IL20RB: variants seen among roughly 807,000 people sequenced by gnomAD.
IL20RB encodes the protein interleukin-20 receptor subunit beta.
In IL20RB, 21 loss-of-function variants were observed where a neutral mutation model predicts 33.3. The ratio of observed to expected loss-of-function variants is 0.63; its 90% CI spans 0.45 to 0.91. The LOEUF is 0.91. Among genes scored for constraint, IL20RB ranks in the 40% least tolerant of loss-of-function variants. The probability of loss-of-function intolerance (pLI) is 0.00; values close to 1 mark genes in which losing one functional copy is unlikely to be tolerated. For missense variants in IL20RB, 345 were observed against 384.8 expected (o/e 0.90, Z 0.86); for synonymous variants, 147 against 146.8 (o/e 1.00, Z -0.01).
At position 136,982,424 on chromosome 3, in the gene IL20RB, T is replaced by C. The variant is rs1023881042; in HGVS notation, c.406+74T>C. The C allele has an allele frequency of 7.2e-6, 8 of 1,115,106 alleles. No homozygotes were observed. In the African/African-American group the frequency reaches 1.2e-4, roughly 17 times the overall value. The allele number at this position is 1,115,106 out of a possible 1,614,324, so 69.1% of individuals were successfully genotyped here. A position where few individuals can be genotyped will look rare whatever the true frequency, so the allele number is the denominator to read the frequency against. On this transcript the variant is annotated intron_variant, in intron 3 of 6. Coordinates refer to ENST00000329582, the MANE Select transcript of IL20RB (RefSeq NM_144717.4). ...AGGAACCATGTTCACCTAAACTTTC[T>C]AGACTCTTTTTAGCATCAGAATAGT...
At chr3:137,005,017 G>A (rs1330028920) in intron 6 of IL20RB, among the ~76,000 whole-genome samples, 5 of 152,026 alleles carry the variant, frequency 3.3e-5, no homozygotes, top group South Asian at 2.1e-4. Flanking sequence ...CCTTCATTTC[G>A]TTATTTACCC....
intron 1 of IL20RB, among the ~76,000 whole-genome samples, chr3:136,970,084 T>C (rs979893807): frequency 6.6e-6 from 1 of 151,906 alleles, no homozygotes; most frequent in Non-Finnish European, 1.5e-5. Flanking sequence ...GCGTTTTTTT[T>C]GTTTTTTGTT....
intron 6 of IL20RB, 95 bp downstream of exon 6, chr3:136,995,651 C>A: frequency 8.1e-7 from 1 of 1,238,326 alleles, no homozygotes; most frequent in Non-Finnish European, 1.2e-6. Flanking sequence ...ATGTTTCTAT[C>A]ATGAGATTAT....
intron 6 of IL20RB, among the ~76,000 whole-genome samples, chr3:137,004,007 C>G (rs578254425): frequency 6.6e-6 from 1 of 152,248 alleles, no homozygotes; most frequent in Admixed American, 6.5e-5. Flanking sequence ...TTTTCTGCAT[C>G]TATTGAGATA....
At chr3:136,972,406 G>A (rs188228235) in intron 1 of IL20RB, among the ~76,000 whole-genome samples, 1,570 of 152,176 alleles carry the variant, frequency 0.01, 12 homozygotes, top group Non-Finnish European at 0.015. Flanking sequence ...TGTATGTTTG[G>A]TAGAATTCAG....
chr3:136,984,748 A>G (rs1941860127), intron 3 of IL20RB, among the ~76,000 whole-genome samples: 1 of 152,030 alleles, frequency 6.6e-6, no homozygotes, highest in Non-Finnish European at 1.5e-5. Context: ...CCTCCTTCCC[A>G]GGCACCAGGA....
chr3:136,963,509 G>C (rs1941281884), intron 1 of IL20RB, among the ~76,000 whole-genome samples: 1 of 152,022 alleles, frequency 6.6e-6, no homozygotes, highest in Non-Finnish European at 1.5e-5. Flanking sequence ...CTATCTCATT[G>C]TGATTTTAAT....
At chr3:136,977,676 C>T (rs748060348) in intron 1 of IL20RB, among the ~76,000 whole-genome samples, 1 of 152,136 alleles carries the variant, frequency 6.6e-6, no homozygotes, top group Admixed American at 6.5e-5. Context: ...CAGGCACGCA[C>T]TACCACGCCC....
In IL20RB at chr3:136,958,911, TTCTCTC is replaced by T. The variant is rs3077025; in HGVS notation, c.88+726_88+731del. Among the ~76,000 whole-genome samples the T allele has an allele frequency of 1.2e-3, 184 of 150,110 alleles. 2 individuals are homozygous for T. Among genetic ancestry groups the T allele is most frequent in the African/African-American group, 4.3e-3 (176 of 40,946 alleles). On this transcript the variant is annotated intron_variant, in intron 1 of 6. Coordinates refer to ENST00000329582, the MANE Select transcript of IL20RB (RefSeq NM_144717.4). Reference sequence around the variant, plus strand: ...AGTGTTGATGGGAGCCTTGAGTACTTTCTCTCTCTCTCTCTCTCTCTGTCTCTCTGT... The same window carrying T: ...AGTGTTGATGGGAGCCTTGAGTACTTTCTCTCTCTCTCTCTGTCTCTCTGT...
chr3:137,009,165 T>C (rs953496122), intron 6 of IL20RB, among the ~76,000 whole-genome samples: 20 of 152,338 alleles, frequency 1.3e-4, no homozygotes, highest in African/African-American at 3.6e-4. Context: ...ATGAAGCTGA[T>C]GTCTCCTGAG....
At chr3:136,967,267 C>T (rs1468012360) in intron 1 of IL20RB, among the ~76,000 whole-genome samples, 8 of 150,560 alleles carry the variant, frequency 5.3e-5, no homozygotes, top group African/African-American at 1.7e-4. Context: ...CTTTCTGTCT[C>T]GTTGATCTGT....
intron 6 of IL20RB, among the ~76,000 whole-genome samples, chr3:137,001,193 A>G (rs1942236008): frequency 6.6e-6 from 1 of 152,242 alleles, no homozygotes. Context: ...TCCATGGCAG[A>G]TAGACGTCAC....
intron 4 of IL20RB, 124 bp downstream of exon 4, chr3:136,989,689 G>C: frequency 9.4e-7 from 1 of 1,062,450 alleles, no homozygotes; most frequent in Non-Finnish European, 1.4e-6. Context: ...CCTGGGTGAA[G>C]TGTGCAAAAG....
intron 3 of IL20RB, among the ~76,000 whole-genome samples, chr3:136,987,563 G>C (rs559683699): frequency 7.4e-4 from 113 of 152,338 alleles, no homozygotes; most frequent in Admixed American, 7.2e-4. Flanking sequence ...GTGGAGCTGC[G>C]TGCCAGTCCT....
In IL20RB at chr3:136,976,005, C is replaced by T. The variant is rs72978765; in HGVS notation, c.89-4461C>T. Among the ~76,000 whole-genome samples, 692 of 152,238 alleles carry T rather than the reference C, an allele frequency of 4.5e-3. 10 individuals carry two copies. The highest frequency in any genetic ancestry group is 0.016 in the African/African-American group (662 of 41,530). On this transcript the variant is annotated intron_variant, in intron 1 of 6. Coordinates refer to ENST00000329582, the MANE Select transcript of IL20RB (RefSeq NM_144717.4). Reference sequence around the variant, plus strand: ...AGTGGCAGGATAATTATCTGGGTTCCGAGAGTTGTCCTTTTATGATGGCAG... The same window carrying T: ...AGTGGCAGGATAATTATCTGGGTTCTGAGAGTTGTCCTTTTATGATGGCAG...
intron 2 of IL20RB, chr3:136,981,945 A>T (rs965909846): frequency 7.9e-6 from 3 of 380,070 alleles, no homozygotes; most frequent in Non-Finnish European, 1.4e-5. Context: ...ATCCAGACAC[A>T]TTGATGTTTA....
intron 6 of IL20RB, among the ~76,000 whole-genome samples, chr3:136,998,299 C>T (rs965581656): frequency 1.3e-5 from 2 of 151,478 alleles, no homozygotes; most frequent in Non-Finnish European, 2.9e-5. Context: ...TCACAGTCTA[C>T]TTAGAGTTAA....
chr3:136,975,292 C>G (rs1941586088), intron 1 of IL20RB, among the ~76,000 whole-genome samples: 1 of 152,050 alleles, frequency 6.6e-6, no homozygotes, highest in South Asian at 2.1e-4. Context: ...GAAGATGTAT[C>G]TGTGGTGTTC....
intron 1 of IL20RB, among the ~76,000 whole-genome samples, chr3:136,978,664 C>T (rs361244): frequency 0.47 from 70,861 of 152,002 alleles, 17,042 homozygotes; most frequent in East Asian, 0.7. Flanking sequence ...TTGTACATTA[C>T]TGAATTTGGA....
Sources: gnomAD v4.1 joint callset for allele counts (sites outside exome capture counted in the v4.1 genomes callset) on GRCh38, gnomAD v4.1.1 for gene constraint, MANE v1.5 for transcripts, NCBI Gene and HGNC (gene_info 2026-07-23, HGNC 2026-07-21) for gene names.